GALNT18: variants seen among roughly 807,000 people sequenced by gnomAD.
GALNT18 encodes polypeptide N-acetylgalactosaminyltransferase 18, also known as GalNAc-transferase 18.
A neutral mutation model predicts 69.5 loss-of-function variants in GALNT18; 44 were observed. The ratio of observed to expected loss-of-function variants is 0.63; its 90% CI spans 0.50 to 0.81. The LOEUF is 0.81. Ranked by LOEUF, GALNT18 falls within the 40% of genes least tolerant of loss-of-function variation. The pLI is 0.00. For synonymous variants in GALNT18, 364 were observed against 318.2 expected (o/e 1.14, Z -1.53); for missense variants, 715 against 810.0 (o/e 0.88, Z 1.42).
At chr11:11,549,481 C>T (rs758893122) in intron 1 of GALNT18, among the ~76,000 whole-genome samples, 2 of 152,170 alleles carry the variant, frequency 1.3e-5, no homozygotes, top group Non-Finnish European at 2.9e-5. Context: ...CATGTTTGGG[C>T]CTCTTTAAGG....
At position 11,271,193 on chromosome 11, in the gene GALNT18, G is replaced by C; in HGVS notation, c.1775C>G (p.Ser592Trp). 6.2e-7 allele frequency: 1 copy of C among 1,614,050 alleles called. No individual in the cohort carries two copies. The highest frequency in any genetic ancestry group is 8.5e-7 in the Non-Finnish European group (1 of 1,179,974). ...GTTGGTGATGCTCCAGTGCTGGCCCGAGCACTTCTGCAACACCAGCTGGAA... is the reference window on the plus strand; with the variant it reads ...GTTGGTGATGCTCCAGTGCTGGCCCCAGCACTTCTGCAACACCAGCTGGAA... The part of the protein sequence containing the change: ...FGFQLVLQKC[S>W]GQHWSITNVL... The change falls in exon 11 of 11, where the codon TCG becomes TGG. Residue 592 changes from serine to tryptophan, a missense_variant. Ser to Trp is a radical substitution (Grantham distance 177). Transcript: ENST00000227756.
At chr11:11,395,017 C>T (rs529634626) in intron 3 of GALNT18, among the ~76,000 whole-genome samples, 5 of 152,312 alleles carry the variant, frequency 3.3e-5, no homozygotes, top group East Asian at 3.9e-4. Context: ...CTCAGCTCTG[C>T]GGTATAAGGC....
In GALNT18 at chr11:11,582,024, C is replaced by T. The variant is rs56027668; in HGVS notation, c.235+39335G>A. 0.033 allele frequency among the ~76,000 whole-genome samples: 5,054 copies of T among 151,928 alleles called. 108 individuals carry two copies. The highest frequency in any genetic ancestry group is 0.048 in the Non-Finnish European group (3,273 of 67,946). ...CAACAAATGAGTAATCTAGTATTTC[C>T]TAGTATACATGAGGTTCCATGTATA... On this transcript the variant is annotated intron_variant, in intron 1 of 10. Transcript: ENST00000227756. The surrounding 1 kb of genome is among the most constrained non-coding windows in gnomAD (Gnocchi z 5.0).
intron 1 of GALNT18, among the ~76,000 whole-genome samples, chr11:11,588,571 C>A (rs929527790): frequency 1.3e-5 from 2 of 152,182 alleles, no homozygotes; most frequent in African/African-American, 4.8e-5. Context: ...GCATGCTAAC[C>A]AACCTCATCC....
Position 11,289,633 on chromosome 11 carries a change from G to A in GALNT18, c.1677+3396C>T, listed in dbSNP as rs141074753. On this transcript the variant is annotated intron_variant, in intron 10 of 10. Transcript: ENST00000227756. ...AGACAAGATGGGAGGAGTGGGGAGC[G>A]CTGGCCACAGCCCCAAGGCATCTAG... Among the ~76,000 whole-genome samples the A allele has an allele frequency of 2.3e-4, 35 of 152,284 alleles. No homozygotes were observed. In the East Asian group the frequency reaches 3.1e-3, roughly 13 times the overall value.
In GALNT18 at chr11:11,421,963, G is replaced by A. The variant is rs111383180; in HGVS notation, c.595+10658C>T. 8.3e-4 allele frequency among the ~76,000 whole-genome samples: 126 copies of A among 152,306 alleles called. 1 individual carries two copies. Among genetic ancestry groups the A allele is most frequent in the Non-Finnish European group, 1.3e-3 (88 of 68,026 alleles). On this transcript the variant is annotated intron_variant, in intron 3 of 10. Coordinates refer to ENST00000227756, the MANE Select transcript of GALNT18 (RefSeq NM_198516.3). The surrounding 1 kb of genome is among the most constrained non-coding windows in gnomAD (Gnocchi z 5.6). ...GGTGCCCTGGCATAGAATCATGCAT[G>A]GCAGCTGAGAGGTAGGTTCAGAAAT...
At chr11:11,508,624 C>T (rs1857113873) in intron 1 of GALNT18, among the ~76,000 whole-genome samples, 1 of 152,212 alleles carries the variant, frequency 6.6e-6, no homozygotes, top group Non-Finnish European at 1.5e-5. Flanking sequence ...CCCTCCCTTA[C>T]AGATTCAAGC....
In GALNT18 at chr11:11,605,894, C is replaced by T. The variant is rs1459353593; in HGVS notation, c.235+15465G>A. Among the ~76,000 whole-genome samples the T allele has an allele frequency of 1.3e-5, 2 of 152,196 alleles. No homozygotes were observed. Among genetic ancestry groups the T allele is most frequent in the African/African-American group, 4.8e-5 (2 of 41,456 alleles). Reference sequence around the variant, plus strand: ...GGGAGAGCTCAGTGTGGAAAGCACACTGCACACACGCTCATGCGCACACAC... The same window carrying T: ...GGGAGAGCTCAGTGTGGAAAGCACATTGCACACACGCTCATGCGCACACAC... On this transcript the variant is annotated intron_variant, in intron 1 of 10. Coordinates refer to ENST00000227756, the MANE Select transcript of GALNT18 (RefSeq NM_198516.3). This position sits in a 1 kb window ranked among gnomAD's most constrained non-coding sequence, Gnocchi z 4.7.
chr11:11,506,510 C>T lies in GALNT18; in HGVS notation c.236-57574G>A, dbSNP rs111650183. On this transcript the variant is annotated intron_variant, in intron 1 of 10. Coordinates refer to ENST00000227756, the MANE Select transcript of GALNT18 (RefSeq NM_198516.3). ...AGCGTTTCGTGTGCAGGGCGACTTC[C>T]CAGAGTGCTTGCACTGAAGACAGTG... Among the ~76,000 whole-genome samples the T allele has an allele frequency of 2.1e-3, 325 of 152,246 alleles. 2 individuals are homozygous for T. The highest frequency in any genetic ancestry group is 7.4e-3 in the African/African-American group (308 of 41,538).
intron 1 of GALNT18, among the ~76,000 whole-genome samples, chr11:11,486,069 G>A (rs572926579): frequency 6.0e-4 from 91 of 152,278 alleles, no homozygotes; most frequent in African/African-American, 2.0e-3. Flanking sequence ...TTGAGTCCCT[G>A]GGAGTGCGTG....
chr11:11,306,394 GA>G (rs113155446), intron 9 of GALNT18, among the ~76,000 whole-genome samples: 2 of 150,756 alleles, frequency 1.3e-5, no homozygotes, highest in Non-Finnish European at 3.0e-5. Flanking sequence ...TGTTAGCCCA[GA>G]AAAAAAAATG....
rs1859966482 is a variant in GALNT18 at position 11,613,582 on chromosome 11, A to T, written c.235+7777T>A. On this transcript the variant is annotated intron_variant, in intron 1 of 10. Coordinates refer to ENST00000227756, the MANE Select transcript of GALNT18 (RefSeq NM_198516.3). The surrounding 1 kb of genome is among the most constrained non-coding windows in gnomAD (Gnocchi z 4.2). ...GTAGGCCTATGTGTGAGGAAGGGGG[A>T]AACATCAAGGACCCCTGGGCTCAAG... Among the ~76,000 whole-genome samples the T allele has an allele frequency of 6.6e-6, 1 of 152,170 alleles. No homozygotes were observed. Among genetic ancestry groups the T allele is most frequent in the Non-Finnish European group, 1.5e-5 (1 of 68,028 alleles).
At position 11,555,486 on chromosome 11, in the gene GALNT18, G is replaced by A. The variant is rs1291185619; in HGVS notation, c.235+65873C>T. On this transcript the variant is annotated intron_variant, in intron 1 of 10. Transcript: ENST00000227756. The surrounding 1 kb of genome is among the most constrained non-coding windows in gnomAD (Gnocchi z 4.7). ...CACAGGTCTGGCGTGAGTCTCCTGTGACAAAGCTCTCCTGGGCCCTGGCTA... is the reference window on the plus strand; with the variant it reads ...CACAGGTCTGGCGTGAGTCTCCTGTAACAAAGCTCTCCTGGGCCCTGGCTA... Among the ~76,000 whole-genome samples, 2 of 152,212 alleles carry A rather than the reference G, an allele frequency of 1.3e-5. No homozygotes were observed. The highest frequency in any genetic ancestry group is 2.9e-5 in the Non-Finnish European group (2 of 68,032).
At chr11:11,362,890 C>T (rs1246503140) in intron 6 of GALNT18, among the ~76,000 whole-genome samples, 1 of 152,140 alleles carries the variant, frequency 6.6e-6, no homozygotes, top group Non-Finnish European at 1.5e-5. Flanking sequence ...ATGCAAAAGA[C>T]TATTAATTAT....
At chr11:11,545,064 A>G (rs933801487) in intron 1 of GALNT18, among the ~76,000 whole-genome samples, 1 of 152,192 alleles carries the variant, frequency 6.6e-6, no homozygotes, top group Non-Finnish European at 1.5e-5. Flanking sequence ...TATCTTTCCA[A>G]CTACCAAACC....
intron 9 of GALNT18, among the ~76,000 whole-genome samples, chr11:11,316,187 G>A (rs1387378395): frequency 3.3e-5 from 5 of 152,074 alleles, no homozygotes; most frequent in East Asian, 1.9e-4. Context: ...GAAACCACAC[G>A]CCACGGAGTC....
intron 10 of GALNT18, among the ~76,000 whole-genome samples, chr11:11,280,272 G>GA (rs1464680093): frequency 5.3e-5 from 8 of 152,174 alleles, no homozygotes; most frequent in East Asian, 1.9e-4. Flanking sequence ...CTCGGCCTCT[G>GA]AAAGGGGCCC....
In GALNT18 at chr11:11,562,246, C is replaced by G. The variant is rs1269212479; in HGVS notation, c.235+59113G>C. ...TGTGAGGAAGGATCTGTTCCAGGCT[C>G]TCTCTTTGGCTTCTGGCTGGCTGTC... On this transcript the variant is annotated intron_variant, in intron 1 of 10. Coordinates refer to ENST00000227756, the MANE Select transcript of GALNT18 (RefSeq NM_198516.3). This position sits in a 1 kb window ranked among gnomAD's most constrained non-coding sequence, Gnocchi z 4.1. Among the ~76,000 whole-genome samples, 1 of 152,152 alleles carries G rather than the reference C, an allele frequency of 6.6e-6. No individual in the cohort carries two copies. Among genetic ancestry groups the G allele is most frequent in the African/African-American group, 2.4e-5 (1 of 41,430 alleles).
In GALNT18 at chr11:11,314,745, T is replaced by C. The variant is rs1208249685; in HGVS notation, c.1512+12341A>G. Among the ~76,000 whole-genome samples, 2 of 152,184 alleles carry C rather than the reference T, an allele frequency of 1.3e-5. No individual in the cohort carries two copies. The highest frequency in any genetic ancestry group is 2.4e-5 in the African/African-American group (1 of 41,450). Reference sequence around the variant, plus strand: ...TGTGAAAGTCCTTTGGGCTATGCCCTGTGGAGGCTGTGGATTCTAAGGAGT... The same window carrying C: ...TGTGAAAGTCCTTTGGGCTATGCCCCGTGGAGGCTGTGGATTCTAAGGAGT... On this transcript the variant is annotated intron_variant, in intron 9 of 10. Transcript: ENST00000227756. This position sits in a 1 kb window ranked among gnomAD's most constrained non-coding sequence, Gnocchi z 5.2.
Sources: allele counts gnomAD v4.1 joint callset (sites outside exome capture counted in the v4.1 genomes callset), GRCh38; gene constraint gnomAD v4.1.1; non-coding constraint Gnocchi (gnomAD v3.1); transcripts MANE v1.5; gene names NCBI Gene and HGNC (gene_info 2026-07-23, HGNC 2026-07-21).